C4orf33: variants seen among roughly 807,000 people sequenced by gnomAD.
C4orf33 encodes the protein chromosome 4 open reading frame 33.
A neutral mutation model predicts 24.3 loss-of-function variants in C4orf33; 20 were observed. That is an observed-to-expected ratio of 0.82 (90% CI 0.58 to 1.19). The LOEUF (loss-of-function observed/expected upper bound fraction) is 1.19. C4orf33 is among the 50% of genes most tolerant of loss of function. C4orf33 has a pLI of 0.00. For missense variants in C4orf33, 207 were observed against 225.9 expected (o/e 0.92, Z 0.54); for synonymous variants, 67 against 76.4 (o/e 0.88, Z 0.64).
chr4:129,098,473 G>A (rs553849409), intron 1 of C4orf33, among the ~76,000 whole-genome samples: 1 of 152,294 alleles, frequency 6.6e-6, no homozygotes, highest in South Asian at 2.1e-4. Context: ...GCCTCCAGCT[G>A]CATCCATGTT....
intron 1 of C4orf33, chr4:129,100,610 A>C (rs903718941): frequency 6.6e-6 from 1 of 152,202 alleles, no homozygotes; most frequent in African/African-American, 2.4e-5. Context: ...GCTGGGAATT[A>C]AGAAGTCCCT....
At chr4:129,099,108 C>G (rs1753281498) in intron 1 of C4orf33, among the ~76,000 whole-genome samples, 1 of 152,132 alleles carries the variant, frequency 6.6e-6, no homozygotes, top group Non-Finnish European at 1.5e-5. Flanking sequence ...ATTTAACTCT[C>G]TTTTTATTTC....
At position 129,114,499 on chromosome 4, in the gene C4orf33, T is replaced by G. The variant is rs182925753; in HGVS notation, c.*2708T>G. On this transcript the variant is annotated 3_prime_UTR_variant, in exon 6 of 6. Coordinates refer to ENST00000425929, the MANE Select transcript of C4orf33 (RefSeq NM_001099783.2). ...TACCTCTCTCCTCTCTGGAATTGCTTAACTACAGTCAACCTCTTTGGAAGT... is the reference window on the plus strand; with the variant it reads ...TACCTCTCTCCTCTCTGGAATTGCTGAACTACAGTCAACCTCTTTGGAAGT... The G allele has an allele frequency of 2.0e-5, 3 of 152,352 alleles. No individual in the cohort carries two copies. Among genetic ancestry groups the G allele is most frequent in the Non-Finnish European group, 4.4e-5 (3 of 68,042 alleles). 9.4% of individuals were successfully genotyped at this position (152,352 alleles called of 1,614,324 possible). A position where few individuals can be genotyped will look rare whatever the true frequency, so the allele number is the denominator to read the frequency against.
intron 1 of C4orf33, among the ~76,000 whole-genome samples, chr4:129,098,398 C>G (rs1334333146): frequency 6.6e-6 from 1 of 152,100 alleles, no homozygotes; most frequent in Non-Finnish European, 1.5e-5. Context: ...GTTTAATTTC[C>G]ACTTATAAGT....
rs776865920 is a variant in C4orf33 at position 129,109,611 on chromosome 4, A to C, written c.433A>C (p.Ser145Arg). The C allele has an allele frequency of 6.2e-7, 1 of 1,613,944 alleles. No homozygotes were observed. Among genetic ancestry groups the C allele is most frequent in the African/African-American group, 1.3e-5 (1 of 74,942 alleles). Residue 145 changes from serine to arginine, a missense_variant, in exon 5 of 6, where the codon AGT becomes CGT. By Grantham distance (110) the Ser-to-Arg change is moderately radical. Coordinates refer to ENST00000425929, the MANE Select transcript of C4orf33 (RefSeq NM_001099783.2). ...AATTCATGGATCAAAAGATAAACGA[A>C]GTTATGAAGCTCTTTACCCTGTACC... ...FAIHGSKDKR[S>R]YEALYPVPQH...
rs1010822568 is a variant in C4orf33, at chr4:129,116,238, T to C, written c.*4447T>C. 11 of 152,196 alleles carry C rather than the reference T, an allele frequency of 7.2e-5. No homozygotes were observed. Among genetic ancestry groups the C allele is most frequent in the African/African-American group, 2.4e-4 (10 of 41,458 alleles). 9.4% of individuals were successfully genotyped at this position (152,196 alleles called of 1,614,324 possible). The stretch of plus-strand genomic sequence containing the variant: ...TAAATTTTTGTCTGATATTTATAAA[T>C]CTAATATGTAATATAAAGGAGAAAT... On this transcript the variant is annotated 3_prime_UTR_variant, in exon 6 of 6. Coordinates refer to ENST00000425929, the MANE Select transcript of C4orf33 (RefSeq NM_001099783.2).
rs1298466375 is a variant in C4orf33 at position 129,116,242 on chromosome 4, A to C, written c.*4451A>C. Reference sequence around the variant, plus strand: ...TTTTTGTCTGATATTTATAAATCTAATATGTAATATAAAGGAGAAATAGGA... The same window carrying C: ...TTTTTGTCTGATATTTATAAATCTACTATGTAATATAAAGGAGAAATAGGA... On this transcript the variant is annotated 3_prime_UTR_variant, in exon 6 of 6. Transcript: ENST00000425929. 6.6e-6 allele frequency: 1 copy of C among 152,174 alleles called. No individual in the cohort carries two copies. The allele number at this position is 152,174 out of a possible 1,614,324, so 9.4% of individuals were successfully genotyped here.
In C4orf33 at chr4:129,116,376, T is replaced by G. The variant is rs1164336055; in HGVS notation, c.*4585T>G. 23 of 152,234 alleles carry G rather than the reference T, an allele frequency of 1.5e-4. No individual in the cohort carries two copies. 9.4% of individuals were successfully genotyped at this position (152,234 alleles called of 1,614,324 possible). ...AGCTTTGGGTGTTCTGTAAATTTTT[T>G]ACTTTGCACTCTTGAAAAATTCGCA... On this transcript the variant is annotated 3_prime_UTR_variant, in exon 6 of 6. Transcript: ENST00000425929.
Position 129,113,265 on chromosome 4 carries a change from A to G in C4orf33, c.*1474A>G, listed in dbSNP as rs1469704905. 2 of 152,198 alleles carry G rather than the reference A, an allele frequency of 1.3e-5. No homozygotes were observed. Among genetic ancestry groups the G allele is most frequent in the Non-Finnish European group, 2.9e-5 (2 of 68,018 alleles). The allele number at this position is 152,198 out of a possible 1,614,324, so 9.4% of individuals were successfully genotyped here. ...TTAAAATTTGTTTAGATGTTTTTTA[A>G]ACATCTCTTAACTTTCTTTCATCTA... On this transcript the variant is annotated 3_prime_UTR_variant, in exon 6 of 6. Transcript: ENST00000425929.
intron 5 of C4orf33, among the ~76,000 whole-genome samples, chr4:129,111,429 A>T (rs1244275280): frequency 6.6e-6 from 1 of 152,216 alleles, no homozygotes; most frequent in Non-Finnish European, 1.5e-5. Context: ...TTGAGAACTG[A>T]TTTCTCCCTT....
chr4:129,109,105 G>T (rs540530715), intron 3 of C4orf33, among the ~76,000 whole-genome samples: 34 of 152,276 alleles, frequency 2.2e-4, no homozygotes, highest in African/African-American at 7.9e-4. Flanking sequence ...TGGCCAGGAT[G>T]GTCTTGATCT....
rs1753760331 is a variant in C4orf33 at position 129,115,593 on chromosome 4, A to G, written c.*3802A>G. ...TAGGACTCCACTAGGGTCTTCAGTTACCTACAGTACTGATCAGCTTAAAAA... is the reference window on the plus strand; with the variant it reads ...TAGGACTCCACTAGGGTCTTCAGTTGCCTACAGTACTGATCAGCTTAAAAA... On this transcript the variant is annotated 3_prime_UTR_variant, in exon 6 of 6. Transcript: ENST00000425929. The G allele has an allele frequency of 6.6e-6, 1 of 151,974 alleles. No homozygotes were observed. The highest frequency in any genetic ancestry group is 2.4e-5 in the African/African-American group (1 of 41,388). 9.4% of individuals were successfully genotyped at this position (151,974 alleles called of 1,614,324 possible).
intron 5 of C4orf33, among the ~76,000 whole-genome samples, chr4:129,110,679 C>A (rs1221873703): frequency 6.7e-6 from 1 of 149,816 alleles, no homozygotes; most frequent in Admixed American, 6.7e-5. Flanking sequence ...TCCCTGTTTG[C>A]CTTCTCCTTC....
intron 5 of C4orf33, among the ~76,000 whole-genome samples, chr4:129,110,639 C>T (rs1439876913): frequency 6.6e-6 from 1 of 152,154 alleles, no homozygotes; most frequent in Non-Finnish European, 1.5e-5. Context: ...TGCCTTTTAA[C>T]CTGTGGAATG....
rs1268431844 is a variant in C4orf33 at position 129,115,583 on chromosome 4, G to T, written c.*3792G>T. On this transcript the variant is annotated 3_prime_UTR_variant, in exon 6 of 6. Transcript: ENST00000425929. ...TGGTCTCCAGTAGGACTCCACTAGG[G>T]TCTTCAGTTACCTACAGTACTGATC... 1 of 151,942 alleles carries T rather than the reference G, an allele frequency of 6.6e-6. No homozygotes were observed. Among genetic ancestry groups the T allele is most frequent in the African/African-American group, 2.4e-5 (1 of 41,352 alleles). 9.4% of individuals were successfully genotyped at this position (151,942 alleles called of 1,614,324 possible). A position where few individuals can be genotyped will look rare whatever the true frequency, so the allele number is the denominator to read the frequency against.
intron 3 of C4orf33, among the ~76,000 whole-genome samples, chr4:129,108,833 T>C (rs887288975): frequency 3.9e-5 from 6 of 152,136 alleles, no homozygotes; most frequent in Non-Finnish European, 8.8e-5. Flanking sequence ...CCCAAAGATG[T>C]CATTTCTAAG....
chr4:129,105,913 C>T (rs1357674151), intron 2 of C4orf33, among the ~76,000 whole-genome samples: 1 of 152,124 alleles, frequency 6.6e-6, no homozygotes, highest in Admixed American at 6.6e-5. Flanking sequence ...CAGTCATTAA[C>T]ATTTTTGTGC....
chr4:129,098,940 G>A (rs1335910508), intron 1 of C4orf33, among the ~76,000 whole-genome samples: 1 of 152,036 alleles, frequency 6.6e-6, no homozygotes, highest in East Asian at 1.9e-4. Context: ...AGCAGTGAGG[G>A]CAACTAGAGA....
chr4:129,096,733 CAAT>C (rs1753218529), intron 1 of C4orf33, among the ~76,000 whole-genome samples: 4 of 152,142 alleles, frequency 2.6e-5, no homozygotes, highest in African/African-American at 4.8e-5. Context: ...TACAGAGTAA[CAAT>C]AAATATTGTA....
Sources: gnomAD v4.1 joint callset for allele counts (sites outside exome capture counted in the v4.1 genomes callset) on GRCh38, gnomAD v4.1.1 for gene constraint, MANE v1.5 for transcripts, NCBI Gene and HGNC (gene_info 2026-07-23, HGNC 2026-07-21) for gene names.